SSC5D: variants seen among roughly 807,000 people sequenced by gnomAD.
The protein encoded by SSC5D is scavenger receptor cysteine rich family member with 5 domains.
Under a neutral mutation model 104.6 loss-of-function variants are expected in SSC5D, and 106 were observed. The observed-to-expected ratio is 1.01, with a 90% CI of 0.87 to 1.19. The LOEUF (loss-of-function observed/expected upper bound fraction) is 1.19, where lower values mean the gene tolerates loss of function less well. SSC5D is among the 50% of genes most tolerant of loss of function. The pLI is 0.00. For missense variants in SSC5D, 1,993 were observed against 2,153.8 expected (o/e 0.93, Z 1.48); for synonymous variants, 860 against 883.5 (o/e 0.97, Z 0.47).
chr19:55,491,535 AGGAG>A (rs140437818), intron 6 of SSC5D: 2,926 of 160,202 alleles, frequency 0.018, 64 homozygotes, highest in East Asian at 0.12. Flanking sequence ...GCTGGTGGGA[AGGAG>A]GGAGGGAGGG....
chr19:55,490,416 C>A lies in SSC5D; in HGVS notation c.586+8C>A. ...CAGGAGCCCCCCGCCAAGGTAAGCT[C>A]CCTGCAGGCTCCCCCGACCCCAAGG... On this transcript the variant is annotated splice_region_variant and intron_variant, in intron 5 of 13. Coordinates refer to ENST00000389623, the MANE Select transcript of SSC5D (RefSeq NM_001144950.2). The A allele has an allele frequency of 9.3e-7, 1 of 1,070,250 alleles. No individual in the cohort carries two copies. The allele number at this position is 1,070,250 out of a possible 1,614,324, so 66.3% of individuals were successfully genotyped here.
In SSC5D at chr19:55,500,337, G is replaced by A. The variant is rs1426566382; in HGVS notation, c.2227G>A (p.Glu743Lys). ...IPQASLEPSA[E>K]IPEGSPESPK... ...TCAGGCCTCCCTGGAGCCATCTGCT[G>A]AGATCCCAGAAGGGTCTCCAGAGTC... The change falls in exon 10 of 14, where the codon GAG (glutamate) becomes AAG (lysine). Residue 743 changes from glutamate to lysine, a missense_variant. Physicochemically the swap from Glu to Lys is moderately conservative, Grantham distance 56. Coordinates refer to ENST00000389623, the MANE Select transcript of SSC5D (RefSeq NM_001144950.2). This position sits in a 1 kb window ranked among gnomAD's most constrained non-coding sequence, Gnocchi z 4.6. The A allele has an allele frequency of 6.4e-7, 1 of 1,551,420 alleles. No homozygotes were observed. Among genetic ancestry groups the A allele is most frequent in the African/African-American group, 1.4e-5 (1 of 73,040 alleles).
chr19:55,504,476 C>A lies in SSC5D; in HGVS notation c.2785+3275C>A, dbSNP rs115520200. 5.9e-3 allele frequency among the ~76,000 whole-genome samples: 895 copies of A among 152,186 alleles called. 8 individuals are homozygous for A. The highest frequency in any genetic ancestry group is 0.021 in the African/African-American group (854 of 41,522). ...AAAAAGTGACTTGGTCTCTTTGAGTCCCCGTTTCTTATTTATATTGTTTTA... is the reference window on the plus strand; with the variant it reads ...AAAAAGTGACTTGGTCTCTTTGAGTACCCGTTTCTTATTTATATTGTTTTA... On this transcript the variant is annotated intron_variant, in intron 12 of 13. Coordinates refer to ENST00000389623, the MANE Select transcript of SSC5D (RefSeq NM_001144950.2).
intron 12 of SSC5D, among the ~76,000 whole-genome samples, chr19:55,509,565 C>CTT (rs34687130): frequency 0.013 from 1,937 of 146,946 alleles, 27 homozygotes; most frequent in South Asian, 0.059. Context: ...TCTTTTTATT[C>CTT]TTTTTTTTTT....
chr19:55,500,869 G>T lies in SSC5D; in HGVS notation c.2617+65G>T. On this transcript the variant is annotated intron_variant, in intron 11 of 13. Coordinates refer to ENST00000389623, the MANE Select transcript of SSC5D (RefSeq NM_001144950.2). The surrounding 1 kb of genome is among the most constrained non-coding windows in gnomAD (Gnocchi z 4.6). ...GGCCAGGAGAATGGAGTCAGGGTGG[G>T]GCCAGGTGACGGCACCATGGTCGAC... The T allele has an allele frequency of 6.6e-7, 1 of 1,514,054 alleles. No homozygotes were observed. The highest frequency in any genetic ancestry group is 1.4e-5 in the African/African-American group (1 of 72,316). 93.8% of individuals were successfully genotyped at this position (1,514,054 alleles called of 1,614,324 possible).
At position 55,494,617 on chromosome 19, in the gene SSC5D, C is replaced by T. The variant is rs1987257898; in HGVS notation, c.1221C>T (p.Pro407=). The part of the protein sequence containing the change: ...EDAGAVCDGM[P]LGYVPPTAPT... ...TTACCCCCTGCTCCACAGGCATGCC[C>T]CTGGGCTACGTCCCTCCCACGGCCC... Residue 407 remains proline, a synonymous_variant, in exon 8 of 14, where the codon CCC becomes CCT. Transcript: ENST00000389623. The T allele has an allele frequency of 6.5e-7, 1 of 1,536,660 alleles. No individual in the cohort carries two copies.
At chr19:55,496,467 C>T (rs962018554) in intron 8 of SSC5D, among the ~76,000 whole-genome samples, 7 of 152,242 alleles carry the variant, frequency 4.6e-5, no homozygotes, top group African/African-American at 7.2e-5. Flanking sequence ...CCAGAGGTCT[C>T]GTTCCCCTTT....
intron 6 of SSC5D, among the ~76,000 whole-genome samples, chr19:55,493,374 C>T (rs1987206428): frequency 8.8e-6 from 1 of 113,384 alleles, no homozygotes. Flanking sequence ...TCCCAGCGTC[C>T]CCAGCCCCCA....
At chr19:55,498,258 A>G in intron 9 of SSC5D, 61 bp downstream of exon 9, 14 of 1,513,790 alleles carry the variant, frequency 9.2e-6, no homozygotes, top group Non-Finnish European at 1.3e-5. Context: ...AACAGTAACT[A>G]ACATGGGCAC....
intron 6 of SSC5D, chr19:55,492,193 A>C (rs1288108493): frequency 6.6e-6 from 1 of 152,292 alleles, no homozygotes; most frequent in Non-Finnish European, 1.5e-5. Flanking sequence ...ATGGCCCAAG[A>C]CCCAGGTGCC....
rs4801309 is a variant in SSC5D, at chr19:55,493,922, T to A, written c.1213+10T>A. ...GGGGCCGTGTGTGACGGTGAGGGGG[T>A]TGTGGTGGAGGACCGGGAGGTGGGC... is the stretch of plus-strand genomic sequence containing the variant. On this transcript the variant is annotated intron_variant, in intron 7 of 13. Transcript: ENST00000389623. The A allele has an allele frequency of 1.6e-6, 2 of 1,249,374 alleles. No individual in the cohort carries two copies. The highest frequency in any genetic ancestry group is 5.1e-5 in the Admixed American group (2 of 39,210). 77.4% of individuals were successfully genotyped at this position (1,249,374 alleles called of 1,614,324 possible).
At chr19:55,511,608 T>A (rs1987758136) in intron 12 of SSC5D, among the ~76,000 whole-genome samples, 1 of 152,298 alleles carries the variant, frequency 6.6e-6, no homozygotes, top group East Asian at 1.9e-4. Context: ...TCTCAGCACC[T>A]CCTTGTGGAA....
intron 12 of SSC5D, among the ~76,000 whole-genome samples, chr19:55,508,186 T>C (rs1987680094): frequency 6.6e-6 from 1 of 151,626 alleles, no homozygotes; most frequent in African/African-American, 2.4e-5. Context: ...GCTGTGGGAG[T>C]GGATGTGACT....
chr19:55,501,439 C>T (rs940214068), intron 12 of SSC5D, among the ~76,000 whole-genome samples: 2 of 152,198 alleles, frequency 1.3e-5, no homozygotes, highest in African/African-American at 2.4e-5. Flanking sequence ...ATCCTGAGCC[C>T]ATGGCCCTCC....
In SSC5D at chr19:55,500,619, G is replaced by A. The variant is rs755024523; in HGVS notation, c.2432G>A (p.Trp811Ter). The change falls in exon 11 of 14, where the codon TGG becomes TAG. Residue 811 changes from tryptophan (W) to a stop codon, truncating the protein, a stop_gained. Coordinates refer to ENST00000389623, the MANE Select transcript of SSC5D (RefSeq NM_001144950.2). LOFTEE classifies it high-confidence loss of function. This position sits in a 1 kb window ranked among gnomAD's most constrained non-coding sequence, Gnocchi z 4.6. ...WDLRDATVAC[W>*]ELGCGKVRPR... Reference sequence around the variant, plus strand: ...CTGCGGGACGCCACTGTGGCCTGCTGGGAACTGGGCTGTGGAAAGGTCCGG... The same window carrying A: ...CTGCGGGACGCCACTGTGGCCTGCTAGGAACTGGGCTGTGGAAAGGTCCGG... 1 of 1,551,782 alleles carries A rather than the reference G, an allele frequency of 6.4e-7. No homozygotes were observed. Among genetic ancestry groups the A allele is most frequent in the South Asian group, 1.2e-5 (1 of 84,066 alleles).
chr19:55,493,987 C>CAGGGG (rs1555764743), intron 7 of SSC5D, 75 bp downstream of exon 7: 1 of 206,308 alleles, frequency 4.8e-6, no homozygotes, highest in Non-Finnish European at 6.9e-6. Flanking sequence ...TCGGCGGGGG[C>CAGGGG]GGGGGGGTCC....
intron 12 of SSC5D, among the ~76,000 whole-genome samples, chr19:55,506,596 G>A (rs1987642728): frequency 6.6e-6 from 1 of 151,684 alleles, no homozygotes; most frequent in Non-Finnish European, 1.5e-5. Context: ...GGGTTTCACT[G>A]TGTTAGCCAG....
At chr19:55,509,380 G>A (rs1568483129) in intron 12 of SSC5D, among the ~76,000 whole-genome samples, 2 of 152,146 alleles carry the variant, frequency 1.3e-5, no homozygotes, top group Non-Finnish European at 2.9e-5. Context: ...AGAAATTCTC[G>A]CCCATGAGCC....
intron 13 of SSC5D, 143 bp downstream of exon 13, chr19:55,513,315 A>G: frequency 1.1e-6 from 1 of 885,538 alleles, no homozygotes; most frequent in Non-Finnish European, 1.6e-6. Flanking sequence ...TCGGCTGAGC[A>G]TGGTGGCTCA....
Sources: gnomAD v4.1 joint callset for allele counts (sites outside exome capture counted in the v4.1 genomes callset) on GRCh38, gnomAD v4.1.1 for gene constraint, Gnocchi (gnomAD v3.1) non-coding constraint, MANE v1.5 for transcripts, NCBI Gene and HGNC (gene_info 2026-07-23, HGNC 2026-07-21) for gene names.